ZBTB20: variants seen among roughly 807,000 people sequenced by gnomAD.
ZBTB20 encodes the protein zinc finger and BTB domain containing 20, also known as zinc finger and BTB domain-containing protein 20.
In ZBTB20, 9 loss-of-function variants were observed where a neutral mutation model predicts 56.9. That is an observed-to-expected ratio of 0.16 (90% CI 0.10 to 0.28). The LOEUF (loss-of-function observed/expected upper bound fraction) is 0.28, where lower values mean the gene tolerates loss of function less well. ZBTB20 is among the 10% of genes least tolerant of loss of function. The pLI is 1.00. For synonymous variants in ZBTB20, 417 were observed against 420.7 expected (o/e 0.99, Z 0.11); for missense variants, 655 against 1,003.0 (o/e 0.65, Z 4.69).
Position 114,509,508 on chromosome 3 carries a change from T to A in ZBTB20, c.-294-9117A>T, listed in dbSNP as rs1167246863. Reference sequence around the variant, plus strand: ...CCAAGTATACTGCTAAAAGGGGTCATTTGCTTCCCCACCTCAAGAAGCCAA... The same window carrying A: ...CCAAGTATACTGCTAAAAGGGGTCAATTGCTTCCCCACCTCAAGAAGCCAA... On this transcript the variant is annotated intron_variant, in intron 6 of 11. Transcript: ENST00000675478. 4.0e-5 allele frequency among the ~76,000 whole-genome samples: 6 copies of A among 150,120 alleles called. No individual in the cohort carries two copies. The East Asian group carries it at 1.2e-3, about 29-fold the overall frequency.
At chr3:114,993,489 T>C (rs557128336) in intron 2 of ZBTB20, among the ~76,000 whole-genome samples, 11 of 152,004 alleles carry the variant, frequency 7.2e-5, no homozygotes, top group African/African-American at 2.4e-4. Context: ...TAATGTGTAA[T>C]ATTTATAAAA....
At chr3:114,854,244 C>G (rs907501055) in intron 4 of ZBTB20, among the ~76,000 whole-genome samples, 1 of 152,154 alleles carries the variant, frequency 6.6e-6, no homozygotes, top group African/African-American at 2.4e-5. Context: ...ACTTTGTATA[C>G]TAACAACTAG....
intron 5 of ZBTB20, among the ~76,000 whole-genome samples, chr3:114,710,935 C>T (rs1578465369): frequency 6.6e-6 from 1 of 152,138 alleles, no homozygotes; most frequent in South Asian, 2.1e-4. Context: ...TTTCTTCTTG[C>T]TCTTCCTGGA....
Position 114,316,703 on chromosome 3 carries a change from T to G in ZBTB20, c.*22302A>C, listed in dbSNP as rs971417270. 2 of 387,450 alleles carry G rather than the reference T, an allele frequency of 5.2e-6. No homozygotes were observed. The highest frequency in any genetic ancestry group is 1.1e-5 in the Non-Finnish European group (2 of 190,230). 24.0% of individuals were successfully genotyped at this position (387,450 alleles called of 1,614,324 possible). A position where few individuals can be genotyped will look rare whatever the true frequency, so the allele number is the denominator to read the frequency against. On this transcript the variant is annotated 3_prime_UTR_variant, in exon 12 of 12. Coordinates refer to ENST00000675478, the MANE Select transcript of ZBTB20 (RefSeq NM_001348800.3). The stretch of plus-strand genomic sequence containing the variant: ...AAGTGCATTTTCAATGCAGAAAAAC[T>G]GTAATCCACTGATTCCTTGGAAAAC...
chr3:114,768,945 G>A (rs192137091), intron 5 of ZBTB20, among the ~76,000 whole-genome samples: 23 of 152,250 alleles, frequency 1.5e-4, no homozygotes, highest in East Asian at 1.9e-4. Context: ...AGGCACATGT[G>A]TTGTCTTACT....
At chr3:114,934,182 C>G (rs558041683) in intron 3 of ZBTB20, among the ~76,000 whole-genome samples, 2 of 152,296 alleles carry the variant, frequency 1.3e-5, no homozygotes, top group South Asian at 4.1e-4. Flanking sequence ...GATCTTTGCA[C>G]CAAGCATTGT....
chr3:114,509,552 T>G (rs1213562113), intron 6 of ZBTB20, among the ~76,000 whole-genome samples: 1 of 150,896 alleles, frequency 6.6e-6, no homozygotes, highest in East Asian at 1.9e-4. Flanking sequence ...ATAGTTTTAC[T>G]TCAAATAAAG....
At chr3:115,022,137 G>A (rs1262508103) in intron 2 of ZBTB20, among the ~76,000 whole-genome samples, 1 of 150,316 alleles carries the variant, frequency 6.7e-6, no homozygotes, top group Non-Finnish European at 1.5e-5. Context: ...TTTAGGATAC[G>A]TAAAAAAGAT....
At chr3:114,692,601 G>C (rs1417620298) in intron 6 of ZBTB20, among the ~76,000 whole-genome samples, 1 of 152,096 alleles carries the variant, frequency 6.6e-6, no homozygotes, top group Non-Finnish European at 1.5e-5. Flanking sequence ...AGATGCCAGG[G>C]AAGTCACCCT....
At chr3:115,099,255 TAC>T in intron 1 of ZBTB20, among the ~76,000 whole-genome samples, 1 of 152,278 alleles carries the variant, frequency 6.6e-6, no homozygotes, top group Non-Finnish European at 1.5e-5. Context: ...AATGAATACT[TAC>T]AGTTGTTGTG....
chr3:114,767,779 A>G (rs1200341610), intron 5 of ZBTB20, among the ~76,000 whole-genome samples: 1 of 152,024 alleles, frequency 6.6e-6, no homozygotes, highest in Non-Finnish European at 1.5e-5. Flanking sequence ...ATAGTTGGGA[A>G]AAAGGGGAAA....
At chr3:114,593,611 C>T (rs926954756) in intron 6 of ZBTB20, among the ~76,000 whole-genome samples, 2 of 152,108 alleles carry the variant, frequency 1.3e-5, no homozygotes, top group African/African-American at 4.8e-5. Context: ...CTCGATCTCT[C>T]GACCTCTGGT....
intron 1 of ZBTB20, among the ~76,000 whole-genome samples, chr3:115,137,553 T>C (rs2084684432): frequency 6.6e-6 from 1 of 152,050 alleles, no homozygotes; most frequent in Admixed American, 6.6e-5. Context: ...TCTTTCAGTA[T>C]AGTGACAAAT....
intron 5 of ZBTB20, among the ~76,000 whole-genome samples, chr3:114,786,579 GA>G (rs982242453): frequency 6.6e-6 from 1 of 151,432 alleles, no homozygotes; most frequent in Non-Finnish European, 1.5e-5. Flanking sequence ...AATAGTATCA[GA>G]AATATAATAA....
intron 3 of ZBTB20, among the ~76,000 whole-genome samples, chr3:114,901,886 G>T (rs907622019): frequency 2.0e-5 from 3 of 151,972 alleles, no homozygotes; most frequent in African/African-American, 7.2e-5. Flanking sequence ...GACTTTGGAT[G>T]ATTTTAATTT....
chr3:114,699,950 T>G (rs1384403249), intron 5 of ZBTB20, among the ~76,000 whole-genome samples: 1 of 152,152 alleles, frequency 6.6e-6, no homozygotes, highest in Admixed American at 6.5e-5. Context: ...CAAAGTTGTA[T>G]AAATTCAATC....
intron 7 of ZBTB20, among the ~76,000 whole-genome samples, chr3:114,483,893 AAGAAG>A (rs1478834449): frequency 6.6e-6 from 1 of 151,922 alleles, no homozygotes; most frequent in Non-Finnish European, 1.5e-5. Context: ...GAGTAGTACT[AAGAAG>A]GTCCTTTGAA....
At position 114,351,343 on chromosome 3, in the gene ZBTB20, C is replaced by A; in HGVS notation, c.735G>T (p.Ser245=). Residue 245 remains serine (S), a synonymous_variant, in exon 11 of 12, where the codon TCG becomes TCT. Transcript: ENST00000675478. ...TCTGCATGGAGCACGCGTAGAGTGC[C>A]GAGTAGATCCTGTCCACGCTGTGCT... ...HPQHSVDRIY[S]ALYACSMQNG... The A allele has an allele frequency of 6.2e-7, 1 of 1,609,142 alleles. No individual in the cohort carries two copies. The highest frequency in any genetic ancestry group is 8.5e-7 in the Non-Finnish European group (1 of 1,178,928).
chr3:114,666,750 A>G (rs2061075959), intron 6 of ZBTB20, among the ~76,000 whole-genome samples: 1 of 152,008 alleles, frequency 6.6e-6, no homozygotes, highest in African/African-American at 2.4e-5. Flanking sequence ...AGTAACTAGA[A>G]TGTGTGATAA....
Sources: gnomAD v4.1 joint callset for allele counts (sites outside exome capture counted in the v4.1 genomes callset) on GRCh38, gnomAD v4.1.1 for gene constraint, MANE v1.5 for transcripts, NCBI Gene and HGNC (gene_info 2026-07-23, HGNC 2026-07-21) for gene names.